MGAT4C: variants seen among roughly 807,000 people sequenced by gnomAD.
The protein encoded by MGAT4C is alpha-1,3-mannosyl-glycoprotein 4-beta-N-acetylglucosaminyltransferase C.
A neutral mutation model predicts 40.1 loss-of-function variants in MGAT4C; 19 were observed. The ratio of observed to expected loss-of-function variants is 0.47; its 90% CI spans 0.33 to 0.70. MGAT4C has a LOEUF of 0.70. Among genes scored for constraint, MGAT4C ranks in the 30% least tolerant of loss-of-function variants. MGAT4C has a pLI of 0.02. For synonymous variants in MGAT4C, 181 were observed against 187.1 expected (o/e 0.97, Z 0.27); for missense variants, 491 against 563.2 (o/e 0.87, Z 1.30).
At chr12:86,129,504 T>C (rs1297002241) in intron 1 of MGAT4C, among the ~76,000 whole-genome samples, 1 of 150,476 alleles carries the variant, frequency 6.6e-6, no homozygotes, top group Non-Finnish European at 1.5e-5. Flanking sequence ...CACGGGGAAC[T>C]GGGTTTGCTT....
At chr12:86,310,674 C>A (rs536878503) in intron 4 of MGAT4C, among the ~76,000 whole-genome samples, 99 of 152,232 alleles carry the variant, frequency 6.5e-4, no homozygotes, top group African/African-American at 2.4e-3. Context: ...ATAATCTCAG[C>A]ACTTTCAGGG....
chr12:86,154,691 GATAA>G (rs1555233596), intron 1 of MGAT4C, among the ~76,000 whole-genome samples: 1 of 152,090 alleles, frequency 6.6e-6, no homozygotes, highest in Non-Finnish European at 1.5e-5. Context: ...TCAAAAAAAA[GATAA>G]ATAAGTGAAT....
intron 4 of MGAT4C, among the ~76,000 whole-genome samples, chr12:86,289,418 AT>A (rs979562398): frequency 8.7e-5 from 13 of 149,102 alleles, no homozygotes; most frequent in East Asian, 2.0e-4. Context: ...ATGAGTTGTA[AT>A]TTTTTTTTTC....
At chr12:86,365,151 T>C (rs1011178823) in intron 3 of MGAT4C, among the ~76,000 whole-genome samples, 1 of 152,166 alleles carries the variant, frequency 6.6e-6, no homozygotes, top group African/African-American at 2.4e-5. Context: ...ATGCATTCTC[T>C]TTCTCAGGGA....
chr12:86,168,349 T>A (rs1028868574), intron 1 of MGAT4C, among the ~76,000 whole-genome samples: 1 of 152,174 alleles, frequency 6.6e-6, no homozygotes, highest in African/African-American at 2.4e-5. Context: ...AATCAAGACA[T>A]GTGCCTTCCA....
chr12:86,761,615 C>A (rs781418796), intron 1 of MGAT4C, among the ~76,000 whole-genome samples: 3 of 152,116 alleles, frequency 2.0e-5, no homozygotes, highest in Non-Finnish European at 4.4e-5. Context: ...AGGAGTCAAG[C>A]TGGTCAGGAG....
chr12:86,763,378 G>T (rs774243308), intron 1 of MGAT4C, among the ~76,000 whole-genome samples: 17 of 151,932 alleles, frequency 1.1e-4, no homozygotes, highest in Non-Finnish European at 8.8e-5. Flanking sequence ...TTTTTTTCAT[G>T]TTACTGCAAC....
intron 1 of MGAT4C, among the ~76,000 whole-genome samples, chr12:86,242,030 T>G (rs1270428545): frequency 6.6e-6 from 1 of 152,148 alleles, no homozygotes; most frequent in East Asian, 1.9e-4. Flanking sequence ...CACACTCTAC[T>G]GGCAACCTCC....
chr12:86,039,997 G>T (rs1019267027), intron 2 of MGAT4C, among the ~76,000 whole-genome samples: 4 of 152,200 alleles, frequency 2.6e-5, no homozygotes, highest in African/African-American at 9.6e-5. Context: ...CTGCAGATCT[G>T]CTGGAGTTTG....
intron 2 of MGAT4C, among the ~76,000 whole-genome samples, chr12:86,646,249 C>A (rs1263767870): frequency 6.6e-6 from 1 of 151,744 alleles, no homozygotes; most frequent in Non-Finnish European, 1.5e-5. Context: ...GGTTAAAGAC[C>A]AGGATAAGTG....
chr12:86,044,807 C>T (rs1034927077), intron 2 of MGAT4C, among the ~76,000 whole-genome samples: 16 of 152,086 alleles, frequency 1.1e-4, no homozygotes, highest in African/African-American at 3.9e-4. Flanking sequence ...TGTTTTACTG[C>T]AGACGTTCCC....
At chr12:86,217,737 ATGTGCTTTTGG>A (rs1566164224) in intron 1 of MGAT4C, among the ~76,000 whole-genome samples, 2 of 152,226 alleles carry the variant, frequency 1.3e-5, no homozygotes, top group Admixed American at 6.5e-5. Flanking sequence ...GGAAGGTAAA[ATGTGCTTTTGG>A]TAAGAAAAAG....
intron 2 of MGAT4C, among the ~76,000 whole-genome samples, chr12:86,516,956 A>T (rs565427754): frequency 6.6e-6 from 1 of 152,184 alleles, no homozygotes; most frequent in South Asian, 2.1e-4. Flanking sequence ...GAGCAGCATC[A>T]TTAGTCATTT....
intron 2 of MGAT4C, among the ~76,000 whole-genome samples, chr12:86,472,161 A>C (rs1205382015): frequency 6.6e-6 from 1 of 152,148 alleles, no homozygotes; most frequent in African/African-American, 2.4e-5. Context: ...ATAAAATGAT[A>C]ATCTCAGAAA....
chr12:86,769,440 T>C (rs547640496), intron 1 of MGAT4C, among the ~76,000 whole-genome samples: 164 of 152,276 alleles, frequency 1.1e-3, no homozygotes, highest in Admixed American at 1.6e-3. Flanking sequence ...GTTCAACCAT[T>C]GTGGAAGTCA....
intron 1 of MGAT4C, among the ~76,000 whole-genome samples, chr12:86,795,768 G>T (rs574890112): frequency 6.6e-6 from 1 of 152,006 alleles, no homozygotes; most frequent in Non-Finnish European, 1.5e-5. Flanking sequence ...GGAATTATTT[G>T]TCTAGAAAAA....
At chr12:86,036,778 G>A (rs1484970549) in intron 2 of MGAT4C, among the ~76,000 whole-genome samples, 1 of 149,916 alleles carries the variant, frequency 6.7e-6, no homozygotes, top group African/African-American at 2.4e-5. Context: ...TCTCTGCCAG[G>A]TTTTGGAATT....
intron 4 of MGAT4C, among the ~76,000 whole-genome samples, chr12:86,271,931 T>A (rs919819796): frequency 1.3e-5 from 2 of 152,198 alleles, no homozygotes; most frequent in East Asian, 3.9e-4. Context: ...TTCTCACTTA[T>A]ATGTGAGATT....
intron 1 of MGAT4C, among the ~76,000 whole-genome samples, chr12:86,093,772 A>ACAACACCAC (rs1048743521): frequency 7.8e-6 from 1 of 127,478 alleles, no homozygotes; most frequent in Non-Finnish European, 1.7e-5. Context: ...AACAACAACA[A>ACAACACCAC]CACCTACAAG....
Sources: gnomAD v4.1 joint callset for allele counts (sites outside exome capture counted in the v4.1 genomes callset) on GRCh38, gnomAD v4.1.1 for gene constraint, MANE v1.5 for transcripts, NCBI Gene and HGNC (gene_info 2026-07-23, HGNC 2026-07-21) for gene names.